The following ARSG variants were observed in gnomAD, a reference collection of about 807,000 sequenced individuals.
ARSG encodes the protein ASG.
In ARSG, 37 loss-of-function variants were observed where a neutral mutation model predicts 50.5. The ratio of observed to expected loss-of-function variants is 0.73; its 90% CI spans 0.56 to 0.96. The LOEUF is 0.96. Among genes scored for constraint, ARSG ranks in the 50% least tolerant of loss-of-function variants. The pLI is 0.00. For missense variants in ARSG, 629 were observed against 675.3 expected (o/e 0.93, Z 0.76); for synonymous variants, 225 against 254.6 (o/e 0.88, Z 1.11).
chr17:68,343,242 C>T (rs1178100117), intron 2 of ARSG, among the ~76,000 whole-genome samples: 3 of 152,090 alleles, frequency 2.0e-5, no homozygotes, highest in East Asian at 1.9e-4. Context: ...CCGCAACCTC[C>T]GCCTCCCAGG....
upstream of ARSG, among the ~76,000 whole-genome samples, chr17:68,287,941 TTCTCTCTCTCTTTCTCTCTC>T (rs571747778): frequency 7.2e-3 from 1,096 of 151,224 alleles, 4 homozygotes; most frequent in Middle Eastern, 0.014. Context: ...TCTTCTTCTC[TTCTCTCTCTCTTTCTCTCTC>T]TCTCTCTCTC....
At chr17:68,317,711 T>C (rs2077122599) in intron 2 of ARSG, among the ~76,000 whole-genome samples, 1 of 152,186 alleles carries the variant, frequency 6.6e-6, no homozygotes, top group Non-Finnish European at 1.5e-5. Context: ...GTTGAACACT[T>C]ATCAGTTTAA....
At chr17:68,333,379 G>A (rs1175020780) in intron 2 of ARSG, among the ~76,000 whole-genome samples, 2 of 151,904 alleles carry the variant, frequency 1.3e-5, no homozygotes, top group Admixed American at 1.3e-4. Context: ...TGTAATCCTA[G>A]CACTTTGGGA....
chr17:68,279,540 G>A (rs2145080695), intron 1 of ARSG, among the ~76,000 whole-genome samples: 1 of 152,164 alleles, frequency 6.6e-6, no homozygotes, highest in Non-Finnish European at 1.5e-5. Flanking sequence ...CTAGAATATG[G>A]TGTCTAAATA....
chr17:68,296,894 G>T lies in ARSG; in HGVS notation c.-552+5326G>T, dbSNP rs2076227604. Among the ~76,000 whole-genome samples, 4 of 152,210 alleles carry T rather than the reference G, an allele frequency of 2.6e-5. No individual in the cohort carries two copies. The South Asian group carries it at 8.3e-4, about 31-fold the overall frequency. ...AGAATTACAAGTGAATGTCTTCTAA[G>T]AAAGAACTTAGAAAAGTCATCTAAG... On this transcript the variant is annotated intron_variant, in intron 1 of 11. Coordinates refer to ENST00000621439, the MANE Select transcript of ARSG (RefSeq NM_001267727.2).
intron 6 of ARSG, among the ~76,000 whole-genome samples, chr17:68,363,026 T>G (rs1251762903): frequency 6.6e-6 from 1 of 152,186 alleles, no homozygotes; most frequent in Non-Finnish European, 1.5e-5. Context: ...GAATTAGACA[T>G]GTCCAGTCTC....
rs144437085 is a variant in ARSG at position 68,418,274 on chromosome 17, T to G, written c.1304-1915T>G. 9.0e-3 allele frequency among the ~76,000 whole-genome samples: 1,365 copies of G among 152,296 alleles called. 22 individuals carry two copies. Among genetic ancestry groups the G allele is most frequent in the African/African-American group, 0.031 (1,291 of 41,570 alleles). ...TCCCTTGAACTTATAAAGCCTTAGT[T>G]TTACACTTTGTTAGGACGAGTCTTT... is the stretch of plus-strand genomic sequence containing the variant. On this transcript the variant is annotated intron_variant, in intron 11 of 11. Transcript: ENST00000621439.
intron 9 of ARSG, among the ~76,000 whole-genome samples, chr17:68,390,179 G>T (rs2080926949): frequency 6.6e-6 from 1 of 151,990 alleles, no homozygotes; most frequent in South Asian, 2.1e-4. Flanking sequence ...GTAGAGACAG[G>T]GTTTTATCAT....
intron 2 of ARSG, among the ~76,000 whole-genome samples, chr17:68,314,407 T>C (rs556821019): frequency 2.6e-5 from 4 of 151,652 alleles, no homozygotes; most frequent in South Asian, 4.2e-4. Flanking sequence ...ATGCTTGTAA[T>C]CCCAGCTACT....
Position 68,271,692 on chromosome 17 carries a change from T to C in ARSG, c.-552+12266T>C, listed in dbSNP as rs782314366. ...GGAGTGAAGAAGAAATAATATAAGGTCAATAATGGACTCAAGACCCAGGAG... is the reference window on the plus strand; with the variant it reads ...GGAGTGAAGAAGAAATAATATAAGGCCAATAATGGACTCAAGACCCAGGAG... On this transcript the variant is annotated intron_variant, in intron 1 of 11. Transcript: ENST00000448504. This position sits in a 1 kb window ranked among gnomAD's most constrained non-coding sequence, Gnocchi z 5.3. 3.4e-5 allele frequency: 52 copies of C among 1,540,306 alleles called. No individual in the cohort carries two copies. Among genetic ancestry groups the C allele is most frequent in the Middle Eastern group, 1.7e-4 (1 of 5,844 alleles).
In ARSG at chr17:68,273,953, A is replaced by G. The variant is rs557032590; in HGVS notation, c.-552+14527A>G. 1.8e-5 allele frequency: 29 copies of G among 1,614,208 alleles called. No homozygotes were observed. The South Asian group carries it at 2.6e-4, about 15-fold the overall frequency. On this transcript the variant is annotated intron_variant, in intron 1 of 11. Coordinates refer to the ARSG transcript ENST00000448504. ...AGAGATGATGCCGATGGCGACGTACATATGAGAAACCTCTTGTGAGAAGGA... is the reference window on the plus strand; with the variant it reads ...AGAGATGATGCCGATGGCGACGTACGTATGAGAAACCTCTTGTGAGAAGGA...
chr17:68,366,564 T>C (rs529820056), intron 6 of ARSG, among the ~76,000 whole-genome samples: 2 of 152,252 alleles, frequency 1.3e-5, no homozygotes, highest in South Asian at 2.1e-4. Context: ...AAATCATTGC[T>C]GTACGAAAAA....
intron 1 of ARSG, among the ~76,000 whole-genome samples, chr17:68,264,000 G>A (rs181693428): frequency 1.3e-5 from 2 of 152,198 alleles, no homozygotes; most frequent in Admixed American, 1.3e-4. Flanking sequence ...TGGGATTACA[G>A]GCACGCACCA....
chr17:68,336,382 G>A (rs1293619944), intron 2 of ARSG, among the ~76,000 whole-genome samples: 1 of 151,370 alleles, frequency 6.6e-6, no homozygotes, highest in Non-Finnish European at 1.5e-5. Context: ...GCTCATTTTT[G>A]TATTTTTAGT....
chr17:68,347,199 C>G, intron 4 of ARSG, 27 bp downstream of exon 4: 1 of 1,609,428 alleles, frequency 6.2e-7, no homozygotes, highest in Non-Finnish European at 8.5e-7. Flanking sequence ...GGATTTGTTA[C>G]CTGGGAAACA....
chr17:68,390,835 C>CGGGCT (rs2080957277), intron 9 of ARSG, among the ~76,000 whole-genome samples: 1 of 151,636 alleles, frequency 6.6e-6, no homozygotes, highest in African/African-American at 2.4e-5. Flanking sequence ...CCATGTTGGC[C>CGGGCT]GGGCTGGTCT....
intron 2 of ARSG, among the ~76,000 whole-genome samples, chr17:68,333,944 C>T (rs1339874633): frequency 6.6e-6 from 1 of 152,062 alleles, no homozygotes; most frequent in African/African-American, 2.4e-5. Context: ...GAAACCTGTG[C>T]CTAGGGAATT....
At chr17:68,325,186 C>T (rs541761252) in intron 2 of ARSG, among the ~76,000 whole-genome samples, 60 of 152,244 alleles carry the variant, frequency 3.9e-4, no homozygotes, top group African/African-American at 1.3e-3. Flanking sequence ...GCCTGAGCTC[C>T]GCCTCCTGTC....
chr17:68,271,361 G>C lies in ARSG; in HGVS notation c.-552+11935G>C. ...CTGGGGCTGGTCTTCACCAGGACCTGCTGCATGTCGGCCTTCGGCTCCAGT... is the reference window on the plus strand; with the variant it reads ...CTGGGGCTGGTCTTCACCAGGACCTCCTGCATGTCGGCCTTCGGCTCCAGT... On this transcript the variant is annotated intron_variant, in intron 1 of 11. Coordinates refer to the ARSG transcript ENST00000448504. This position sits in a 1 kb window ranked among gnomAD's most constrained non-coding sequence, Gnocchi z 5.3. The C allele has an allele frequency of 5.6e-6, 9 of 1,614,254 alleles. No homozygotes were observed. The highest frequency in any genetic ancestry group is 7.6e-6 in the Non-Finnish European group (9 of 1,180,046).
Sources: gnomAD v4.1 joint callset for allele counts (sites outside exome capture counted in the v4.1 genomes callset) on GRCh38, gnomAD v4.1.1 for gene constraint, Gnocchi (gnomAD v3.1) non-coding constraint, MANE v1.5 for transcripts, NCBI Gene and HGNC (gene_info 2026-07-23, HGNC 2026-07-21) for gene names.